FMN1: variants seen among roughly 807,000 people sequenced by gnomAD.
FMN1 encodes the protein formin 1, also known as formin-1.
Under a neutral mutation model 132.4 loss-of-function variants are expected in FMN1, and 110 were observed. That is an observed-to-expected ratio of 0.83 (90% CI 0.71 to 0.97). FMN1 has a LOEUF of 0.97. Among genes scored for constraint, FMN1 ranks in the 50% least tolerant of loss-of-function variants. The pLI is 0.00. For synonymous variants in FMN1, 722 were observed against 651.7 expected (o/e 1.11, Z -1.64); for missense variants, 1,792 against 1,705.3 (o/e 1.05, Z -0.90).
intron 4 of FMN1, among the ~76,000 whole-genome samples, chr15:33,129,180 C>T (rs1963428089): frequency 6.6e-6 from 1 of 152,156 alleles, no homozygotes; most frequent in African/African-American, 2.4e-5. Flanking sequence ...GAGAAAACAG[C>T]AATTAAGTAA....
chr15:32,815,713 T>C (rs1476972165), intron 17 of FMN1, among the ~76,000 whole-genome samples: 3 of 152,192 alleles, frequency 2.0e-5, no homozygotes, highest in Admixed American at 6.5e-5. Flanking sequence ...CCAAGGACAG[T>C]CAACCTAATG....
intron 6 of FMN1, among the ~76,000 whole-genome samples, chr15:33,034,536 C>T (rs1208203569): frequency 6.6e-6 from 1 of 152,128 alleles, no homozygotes; most frequent in African/African-American, 2.4e-5. Context: ...GTGATTGCAC[C>T]ACTGCACTCT....
At chr15:32,930,644 G>T (rs1423777937) in intron 9 of FMN1, among the ~76,000 whole-genome samples, 2 of 151,794 alleles carry the variant, frequency 1.3e-5, no homozygotes, top group Non-Finnish European at 2.9e-5. Context: ...TTACTCCGTT[G>T]ATTGTTTCCT....
chr15:32,950,024 T>TATACAC (rs1473302918), intron 9 of FMN1, among the ~76,000 whole-genome samples: 2 of 10,550 alleles, frequency 1.9e-4, no homozygotes, highest in Admixed American at 1.3e-3. Flanking sequence ...TACACATATA[T>TATACAC]ATATATATAC....
chr15:33,102,824 T>C (rs1238396638), intron 4 of FMN1, among the ~76,000 whole-genome samples: 1 of 152,174 alleles, frequency 6.6e-6, no homozygotes, highest in East Asian at 1.9e-4. Flanking sequence ...AACTTTCTCA[T>C]ATGGGTATTC....
chr15:32,998,014 AT>A (rs1319255617), intron 7 of FMN1, among the ~76,000 whole-genome samples: 2 of 152,218 alleles, frequency 1.3e-5, no homozygotes, highest in African/African-American at 4.8e-5. Context: ...ACAATCTCAG[AT>A]GTCTACAGGC....
At chr15:32,900,490 T>G (rs1276213559) in intron 13 of FMN1, among the ~76,000 whole-genome samples, 3 of 152,238 alleles carry the variant, frequency 2.0e-5, no homozygotes, top group Non-Finnish European at 4.4e-5. Context: ...GACTTCTAGG[T>G]AGAAAGGGGT....
intron 6 of FMN1, among the ~76,000 whole-genome samples, chr15:33,040,474 G>C (rs2036380714): frequency 1.3e-5 from 2 of 151,528 alleles, no homozygotes; most frequent in Admixed American, 1.3e-4. Context: ...GTCAAACTTA[G>C]CAGAACCTAG....
At chr15:33,170,851 T>C (rs368868049) in intron 3 of FMN1, among the ~76,000 whole-genome samples, 1 of 152,018 alleles carries the variant, frequency 6.6e-6, no homozygotes, top group South Asian at 2.1e-4. Context: ...TACCATATGA[T>C]CTAGCAATTC....
chr15:33,161,108 A>T (rs970904987), intron 3 of FMN1, among the ~76,000 whole-genome samples: 16 of 152,236 alleles, frequency 1.1e-4, no homozygotes, highest in African/African-American at 3.9e-4. Context: ...TTGCCTAGTC[A>T]TTGGCACAGT....
At chr15:33,025,049 T>G (rs1316475375) in intron 6 of FMN1, among the ~76,000 whole-genome samples, 1 of 152,220 alleles carries the variant, frequency 6.6e-6, no homozygotes, top group Non-Finnish European at 1.5e-5. Context: ...TATACATTAT[T>G]GTTATAAGTA....
rs150500734 is a variant in FMN1 at position 33,191,438 on chromosome 15, C to A, written c.-197+2471G>T. Among the ~76,000 whole-genome samples, 1,023 of 152,302 alleles carry A rather than the reference C, an allele frequency of 6.7e-3. 9 individuals carry two copies. Among genetic ancestry groups the A allele is most frequent in the African/African-American group, 0.023 (955 of 41,566 alleles). On this transcript the variant is annotated intron_variant, in intron 2 of 20. Coordinates refer to ENST00000616417, the MANE Select transcript of FMN1 (RefSeq NM_001277313.2). ...TCCTAGAGAGATGCATTACAGAGATCATGGTCATTTCAGGCCAGTGGGGAG... is the reference window on the plus strand; with the variant it reads ...TCCTAGAGAGATGCATTACAGAGATAATGGTCATTTCAGGCCAGTGGGGAG...
At chr15:33,009,623 G>A (rs1456771330) in intron 6 of FMN1, among the ~76,000 whole-genome samples, 4 of 152,074 alleles carry the variant, frequency 2.6e-5, no homozygotes, top group African/African-American at 9.7e-5. Context: ...TATATATCAG[G>A]CATTATTCTA....
At chr15:32,960,360 G>C (rs554317834) in intron 9 of FMN1, among the ~76,000 whole-genome samples, 40 of 152,214 alleles carry the variant, frequency 2.6e-4, no homozygotes, top group African/African-American at 8.7e-4. Flanking sequence ...CTCCCACCAG[G>C]TCCCTCCTAG....
chr15:32,794,893 G>C (rs1369192661), intron 19 of FMN1, among the ~76,000 whole-genome samples: 1 of 152,158 alleles, frequency 6.6e-6, no homozygotes, highest in Non-Finnish European at 1.5e-5. Flanking sequence ...AAAAAAACGT[G>C]ATCTTCAAGA....
intron 4 of FMN1, among the ~76,000 whole-genome samples, chr15:33,133,159 G>A (rs2444961): frequency 0.32 from 48,906 of 152,002 alleles, 10,164 homozygotes; most frequent in East Asian, 0.78. Flanking sequence ...CAAGGAAGAG[G>A]GGATTATGCA....
intron 5 of FMN1, among the ~76,000 whole-genome samples, chr15:33,075,107 G>C (rs896947754): frequency 6.7e-5 from 10 of 149,984 alleles, no homozygotes; most frequent in African/African-American, 9.8e-5. Context: ...ACTTACCCTG[G>C]GGCAAGTTAT....
intron 3 of FMN1, among the ~76,000 whole-genome samples, chr15:33,172,135 A>G (rs937618784): frequency 1.3e-5 from 2 of 151,886 alleles, no homozygotes; most frequent in African/African-American, 2.4e-5. Context: ...GTGAACCTGG[A>G]AGGCGGAGCT....
chr15:33,056,211 G>T (rs2037209443), intron 6 of FMN1, among the ~76,000 whole-genome samples: 1 of 152,160 alleles, frequency 6.6e-6, no homozygotes, highest in Admixed American at 6.5e-5. Context: ...ACACCCAAAA[G>T]AAATGTCTCC....
Sources: gnomAD v4.1 joint callset for allele counts (sites outside exome capture counted in the v4.1 genomes callset) on GRCh38, gnomAD v4.1.1 for gene constraint, MANE v1.5 for transcripts, NCBI Gene and HGNC (gene_info 2026-07-23, HGNC 2026-07-21) for gene names.